VAV2: variants seen among roughly 807,000 people sequenced by gnomAD.
The protein encoded by VAV2 is vav guanine nucleotide exchange factor 2.
VAV2 carries 67 observed loss-of-function variants against 132.5 expected under a neutral mutation model. The ratio of observed to expected loss-of-function variants is 0.51; its 90% CI spans 0.42 to 0.62. The LOEUF is 0.62. Among genes scored for constraint, VAV2 ranks in the 20% least tolerant of loss-of-function variants. The pLI is 0.00. For missense variants in VAV2, 938 were observed against 1,153.6 expected (o/e 0.81, Z 2.71); for synonymous variants, 492 against 443.5 (o/e 1.11, Z -1.37).
At chr9:133,933,757 A>AGTGG (rs1840781334) in intron 2 of VAV2, among the ~76,000 whole-genome samples, 2 of 80,954 alleles carry the variant, frequency 2.5e-5, no homozygotes, top group African/African-American at 4.4e-5. Context: ...TGGATGGATG[A>AGTGG]ATGGATGGGT....
At position 133,797,749 on chromosome 9, in the gene VAV2, C is replaced by G. The variant is rs1394793750; in HGVS notation, c.897G>C (p.Gln299His). 4 of 1,613,942 alleles carry G rather than the reference C, an allele frequency of 2.5e-6. No individual in the cohort carries two copies. Among genetic ancestry groups the G allele is most frequent in the Non-Finnish European group, 3.4e-6 (4 of 1,179,988 alleles). ...TGAAGTCCTCCCGGCTGGCCAGGAG[C>G]TGGTTCAGTGTGTTCTGGGCGTGCT... is the stretch of plus-strand genomic sequence containing the variant. Reference protein sequence around the residue: ...HMEHAQNTLNQLLASREDFRQ... With the variant: ...HMEHAQNTLNHLLASREDFRQ... The change falls in exon 10 of 30, where the codon CAG becomes CAC. Residue 299 changes from glutamine to histidine, a missense_variant. Transcript: ENST00000371850.
intron 2 of VAV2, among the ~76,000 whole-genome samples, chr9:133,872,490 G>A (rs1838096062): frequency 6.6e-6 from 1 of 152,240 alleles, no homozygotes; most frequent in East Asian, 1.9e-4. Context: ...CCAGCATGTG[G>A]GGGCACAGCC....
chr9:133,779,627 T>C (rs971304497), intron 21 of VAV2, among the ~76,000 whole-genome samples: 8 of 152,172 alleles, frequency 5.3e-5, no homozygotes, highest in Admixed American at 3.9e-4. Flanking sequence ...TGATCTCAGG[T>C]CTCTGGCTGC....
chr9:133,865,456 A>C (rs1837761242), intron 2 of VAV2, among the ~76,000 whole-genome samples: 1 of 151,474 alleles, frequency 6.6e-6, no homozygotes, highest in African/African-American at 2.4e-5. Flanking sequence ...CTGTCTTCTG[A>C]TTCATTAATT....
chr9:133,818,322 C>T (rs1015680055), intron 4 of VAV2, among the ~76,000 whole-genome samples: 4 of 149,612 alleles, frequency 2.7e-5, no homozygotes, highest in African/African-American at 9.9e-5. Context: ...GGTGAGATCG[C>T]GCCACTGCAC....
intron 25 of VAV2, among the ~76,000 whole-genome samples, chr9:133,772,758 G>A (rs1453027078): frequency 6.6e-6 from 1 of 152,036 alleles, no homozygotes; most frequent in Non-Finnish European, 1.5e-5. Flanking sequence ...GTTTAACCAG[G>A]GAGACCTGTC....
At chr9:133,805,839 A>G (rs1835115608) in intron 9 of VAV2, among the ~76,000 whole-genome samples, 1 of 152,214 alleles carries the variant, frequency 6.6e-6, no homozygotes, top group Non-Finnish European at 1.5e-5. Flanking sequence ...AGTTAGAAAC[A>G]TCCAGAACCC....
intron 23 of VAV2, among the ~76,000 whole-genome samples, chr9:133,776,439 T>G (rs1588159566): frequency 6.6e-6 from 1 of 150,760 alleles, no homozygotes; most frequent in African/African-American, 2.4e-5. Flanking sequence ...AACCCCGGGG[T>G]GGGGGTCTGG....
chr9:133,797,900 T>C lies in VAV2; in HGVS notation c.837-91A>G, dbSNP rs574395133. The C allele has an allele frequency of 7.4e-6, 9 of 1,223,898 alleles. No homozygotes were observed. The African/African-American group carries it at 1.4e-4, about 19-fold the overall frequency. 75.8% of individuals were successfully genotyped at this position (1,223,898 alleles called of 1,614,324 possible). A position where few individuals can be genotyped will look rare whatever the true frequency, so the allele number is the denominator to read the frequency against. ...CCCGTCCATTTTTCCCAGCAGGCTG[T>C]AGGTGCGCAACCAACAGGCCCCTCC... On this transcript the variant is annotated intron_variant, in intron 9 of 29. Transcript: ENST00000371850.
At position 133,833,451 on chromosome 9, in the gene VAV2, T is replaced by C. The variant is rs1490953118; in HGVS notation, c.449+821A>G. Among the ~76,000 whole-genome samples the C allele has an allele frequency of 6.6e-6, 1 of 152,172 alleles. No homozygotes were observed. The highest frequency in any genetic ancestry group is 1.5e-5 in the Non-Finnish European group (1 of 68,014). On this transcript the variant is annotated intron_variant, in intron 4 of 29. Coordinates refer to ENST00000371850, the MANE Select transcript of VAV2 (RefSeq NM_001134398.2). The surrounding 1 kb of genome is among the most constrained non-coding windows in gnomAD (Gnocchi z 5.6). ...GTAGTTGAGCTAAGAACACACAAGCTGCTGTCAAACAGCTCCAGAGGCCCC... is the reference window on the plus strand; with the variant it reads ...GTAGTTGAGCTAAGAACACACAAGCCGCTGTCAAACAGCTCCAGAGGCCCC...
At chr9:133,944,004 C>T (rs989950053) in intron 1 of VAV2, among the ~76,000 whole-genome samples, 2 of 152,158 alleles carry the variant, frequency 1.3e-5, no homozygotes, top group African/African-American at 2.4e-5. Flanking sequence ...GGCGCAGGGC[C>T]GGAGAGCCAA....
At chr9:133,839,272 G>C (rs997985671) in intron 3 of VAV2, among the ~76,000 whole-genome samples, 6 of 151,942 alleles carry the variant, frequency 3.9e-5, no homozygotes, top group African/African-American at 1.5e-4. Flanking sequence ...AGATGGATGA[G>C]AGAGTAGTTG....
intron 3 of VAV2, among the ~76,000 whole-genome samples, chr9:133,848,685 G>A (rs973869327): frequency 1.3e-5 from 2 of 152,246 alleles, no homozygotes; most frequent in Admixed American, 1.3e-4. Flanking sequence ...CATGCCTCAC[G>A]TGGAGCCGGG....
intron 4 of VAV2, among the ~76,000 whole-genome samples, chr9:133,814,234 G>A (rs566866740): frequency 1.9e-3 from 295 of 152,350 alleles, no homozygotes; most frequent in Non-Finnish European, 3.0e-3. Flanking sequence ...GACTGCCTTA[G>A]AAACTGCCAC....
At chr9:133,812,377 G>C (rs1835393807) in intron 4 of VAV2, among the ~76,000 whole-genome samples, 161 bp from the exon 5 acceptor site, 1 of 152,244 alleles carries the variant, frequency 6.6e-6, no homozygotes, top group African/African-American at 2.4e-5. Context: ...CCCGCCTGCA[G>C]GGCGTCTGTG....
intron 18 of VAV2, among the ~76,000 whole-genome samples, 161 bp from the exon 19 acceptor site, chr9:133,783,752 A>C (rs1435424974): frequency 1.3e-5 from 2 of 151,804 alleles, no homozygotes; most frequent in African/African-American, 4.8e-5. Flanking sequence ...CTCCCTTACC[A>C]GGCAGCCTGA....
At chr9:133,982,994 G>A (rs1347110616) in intron 1 of VAV2, among the ~76,000 whole-genome samples, 2 of 152,208 alleles carry the variant, frequency 1.3e-5, no homozygotes, top group Admixed American at 6.5e-5. Context: ...CCAGGCCTGC[G>A]CTGGAACATC....
chr9:133,952,411 G>T (rs1228643861), intron 1 of VAV2, among the ~76,000 whole-genome samples: 1 of 152,112 alleles, frequency 6.6e-6, no homozygotes, highest in Non-Finnish European at 1.5e-5. Context: ...AGAACAGCCT[G>T]GCCAACGTGG....
At chr9:133,861,198 G>GC (rs1366984298) in intron 3 of VAV2, 176 bp downstream of exon 3, 1 of 459,214 alleles carries the variant, frequency 2.2e-6, no homozygotes, top group South Asian at 3.1e-5. Context: ...GAAGCCTCCC[G>GC]CCCCCCACAC....
Sources: gnomAD v4.1 joint callset for allele counts (sites outside exome capture counted in the v4.1 genomes callset) on GRCh38, gnomAD v4.1.1 for gene constraint, Gnocchi (gnomAD v3.1) non-coding constraint, MANE v1.5 for transcripts, NCBI Gene and HGNC (gene_info 2026-07-23, HGNC 2026-07-21) for gene names.